The following ATG10 variants were observed in gnomAD, a reference collection of about 807,000 sequenced individuals.
The protein encoded by ATG10 is autophagy related 10.
Under a neutral mutation model 32.1 loss-of-function variants are expected in ATG10, and 30 were observed. The ratio of observed to expected loss-of-function variants is 0.94; its 90% CI spans 0.70 to 1.27. The LOEUF (loss-of-function observed/expected upper bound fraction) is 1.27. Among genes scored for constraint, ATG10 ranks in the 50% most tolerant of loss-of-function variants. The pLI is 0.00. For synonymous variants in ATG10, 87 were observed against 91.5 expected (o/e 0.95, Z 0.28); for missense variants, 233 against 262.3 (o/e 0.89, Z 0.77).
At chr5:82,231,618 G>T (rs1290676062) in intron 5 of ATG10, among the ~76,000 whole-genome samples, 1 of 152,170 alleles carries the variant, frequency 6.6e-6, no homozygotes, top group African/African-American at 2.4e-5. Flanking sequence ...TTATAGGGCA[G>T]ATCTTTAACA....
intron 2 of ATG10, among the ~76,000 whole-genome samples, chr5:82,022,430 G>A (rs1399304763): frequency 6.7e-6 from 1 of 149,500 alleles, no homozygotes; most frequent in Admixed American, 6.7e-5. Flanking sequence ...CCAGGTTCAA[G>A]CAATTCTCCT....
chr5:82,129,697 C>A (rs147070391), intron 3 of ATG10, among the ~76,000 whole-genome samples: 181 of 152,246 alleles, frequency 1.2e-3, no homozygotes, highest in African/African-American at 4.2e-3. Context: ...AAGATTGCTT[C>A]CTGTTCCTTC....
chr5:82,233,699 C>A (rs1431417050), intron 5 of ATG10, among the ~76,000 whole-genome samples: 1 of 152,164 alleles, frequency 6.6e-6, no homozygotes, highest in East Asian at 1.9e-4. Flanking sequence ...AGAGAAGGCC[C>A]AGGCCCCTCT....
At chr5:82,221,920 C>T (rs185243918) in intron 5 of ATG10, among the ~76,000 whole-genome samples, 15 of 152,226 alleles carry the variant, frequency 9.9e-5, no homozygotes, top group African/African-American at 1.7e-4. Context: ...ACCAAAGAAA[C>T]GTTTTGCTAG....
At chr5:82,058,667 T>A in intron 3 of ATG10, 65 bp downstream of exon 3, 1 of 1,076,946 alleles carries the variant, frequency 9.3e-7, no homozygotes, top group South Asian at 1.4e-5. Flanking sequence ...AAATGTATAC[T>A]TTAATGACTC....
At position 82,071,122 on chromosome 5, in the gene ATG10, C is replaced by T. The variant is rs577875455; in HGVS notation, c.216+12520C>T. Among the ~76,000 whole-genome samples, 7 of 152,148 alleles carry T rather than the reference C, an allele frequency of 4.6e-5. No homozygotes were observed. In the South Asian group the frequency reaches 1.5e-3, roughly 32 times the overall value. ...TGAACATCTCCCCTAACTCAGAGTC[C>T]TTGCAGGAGGGTTGGAGGTCAACCT... is the stretch of plus-strand genomic sequence containing the variant. On this transcript the variant is annotated intron_variant, in intron 3 of 7. Transcript: ENST00000282185.
chr5:82,248,074 A>C (rs1002464336), intron 5 of ATG10, among the ~76,000 whole-genome samples: 1 of 152,148 alleles, frequency 6.6e-6, no homozygotes, highest in Non-Finnish European at 1.5e-5. Context: ...CTAAAAACTC[A>C]AGTAGTATTC....
At chr5:82,164,644 G>T in intron 4 of ATG10, 107 bp downstream of exon 4, 1 of 1,143,284 alleles carries the variant, frequency 8.7e-7, no homozygotes, top group South Asian at 1.6e-5. Context: ...AGTTAAAAAT[G>T]AGAAAACTGT....
intron 2 of ATG10, among the ~76,000 whole-genome samples, chr5:82,057,588 G>A (rs1396175109): frequency 1.3e-5 from 2 of 152,062 alleles, no homozygotes; most frequent in Admixed American, 6.6e-5. Context: ...CTATTAAAAT[G>A]TAAATGTTGG....
chr5:82,239,124 A>C (rs1053460242), intron 5 of ATG10, among the ~76,000 whole-genome samples: 1 of 152,170 alleles, frequency 6.6e-6, no homozygotes, highest in African/African-American at 2.4e-5. Flanking sequence ...CAGATACTGA[A>C]GTTTTTATCT....
At chr5:82,222,174 G>T (rs1056224132) in intron 5 of ATG10, among the ~76,000 whole-genome samples, 7 of 152,236 alleles carry the variant, frequency 4.6e-5, no homozygotes, top group Admixed American at 3.3e-4. Flanking sequence ...ACAAAGTATA[G>T]TTAGTGGTAC....
chr5:81,995,138 G>A (rs1761622227), intron 2 of ATG10, among the ~76,000 whole-genome samples: 1 of 152,058 alleles, frequency 6.6e-6, no homozygotes, highest in Non-Finnish European at 1.5e-5. Context: ...GTGTGTGTGT[G>A]TGTGTGTTTT....
intron 5 of ATG10, among the ~76,000 whole-genome samples, chr5:82,180,419 G>A (rs1744187230): frequency 6.6e-6 from 1 of 152,106 alleles, no homozygotes; most frequent in Non-Finnish European, 1.5e-5. Flanking sequence ...ATCCAAATCT[G>A]TAGACCAGGC....
chr5:82,228,322 A>G lies in ATG10; in HGVS notation c.454-24240A>G, dbSNP rs1007955135. On this transcript the variant is annotated intron_variant, in intron 5 of 7. Transcript: ENST00000282185. ...TTTATATATTTGCTTATCAAATTTT[A>G]TAATATATTTATGTTGTTTTGATCA... Among the ~76,000 whole-genome samples, 44 of 152,148 alleles carry G rather than the reference A, an allele frequency of 2.9e-4. 1 individual carries two copies. Among genetic ancestry groups the G allele is most frequent in the African/African-American group, 1.0e-3 (42 of 41,438 alleles).
Position 81,981,916 on chromosome 5 carries a change from C to A in ATG10, c.-12-5643C>A, listed in dbSNP as rs376571172. Among the ~76,000 whole-genome samples the A allele has an allele frequency of 2.0e-4, 31 of 152,316 alleles. 1 individual carries two copies. The East Asian group carries it at 4.4e-3, about 22-fold the overall frequency. On this transcript the variant is annotated intron_variant, in intron 1 of 7. Transcript: ENST00000282185. ...TATACAGTGTTAGAATTCACTAAGGCTGCTTTTCTGGAAAGATATATTTGA... is the reference window on the plus strand; with the variant it reads ...TATACAGTGTTAGAATTCACTAAGGATGCTTTTCTGGAAAGATATATTTGA...
At chr5:82,089,291 G>A (rs765013762) in intron 3 of ATG10, among the ~76,000 whole-genome samples, 6 of 151,552 alleles carry the variant, frequency 4.0e-5, no homozygotes, top group East Asian at 1.9e-4. Flanking sequence ...GTGGTGAGCC[G>A]ATATTGCACC....
intron 2 of ATG10, among the ~76,000 whole-genome samples, chr5:82,002,425 C>T (rs187391522): frequency 1.4e-3 from 209 of 152,094 alleles, no homozygotes; most frequent in Non-Finnish European, 2.4e-3. Flanking sequence ...ATAAAGAAAG[C>T]ATGATACACA....
intron 5 of ATG10, among the ~76,000 whole-genome samples, chr5:82,183,374 T>G (rs922374846): frequency 6.6e-6 from 1 of 151,298 alleles, no homozygotes; most frequent in African/African-American, 2.4e-5. Context: ...TTGTTTGTTC[T>G]GTAGTGTTTT....
chr5:82,199,723 A>G (rs924333889), intron 5 of ATG10, among the ~76,000 whole-genome samples: 2 of 152,216 alleles, frequency 1.3e-5, no homozygotes, highest in African/African-American at 4.8e-5. Context: ...AGTTTTAGAA[A>G]AATGCAGAGA....
Sources: allele counts gnomAD v4.1 joint callset (sites outside exome capture counted in the v4.1 genomes callset), GRCh38; gene constraint gnomAD v4.1.1; transcripts MANE v1.5; gene names NCBI Gene and HGNC (gene_info 2026-07-23, HGNC 2026-07-21).